The following ZNF99 variants were observed in gnomAD, a reference collection of about 807,000 sequenced individuals.
The protein encoded by ZNF99 is zinc finger protein ENSP00000375192.
A neutral mutation model predicts 12.8 loss-of-function variants in ZNF99; 8 were observed. That is an observed-to-expected ratio of 0.62 (90% confidence interval 0.37 to 1.13). ZNF99 has a LOEUF of 1.13. Ranked by LOEUF, ZNF99 falls within the 50% of genes most tolerant of loss-of-function variation. The pLI is 0.02. For synonymous variants in ZNF99, 318 were observed against 319.0 expected (o/e 1.00, Z 0.03); for missense variants, 1,007 against 1,006.2 (o/e 1.00, Z -0.01).
intron 1 of ZNF99, chr19:22,770,469 G>A (rs1397868537): frequency 2.0e-5 from 3 of 152,202 alleles, no homozygotes; most frequent in Non-Finnish European, 4.4e-5. Flanking sequence ...CGATTCTCCT[G>A]CCTCAGCCTC....
At position 22,752,683 on chromosome 19, in the gene ZNF99, C is replaced by T. The variant is rs1420198187; in HGVS notation, c.*4631G>A. The T allele has an allele frequency of 6.6e-6, 1 of 152,004 alleles. No homozygotes were observed. Among genetic ancestry groups the T allele is most frequent in the Admixed American group, 6.6e-5 (1 of 15,248 alleles). 9.4% of individuals were successfully genotyped at this position (152,004 alleles called of 1,614,324 possible). On this transcript the variant is annotated 3_prime_UTR_variant, in exon 4 of 4. Coordinates refer to ENST00000596209, the MANE Select transcript of ZNF99 (RefSeq NM_001080409.3). ...TAGGTTAAAGCGAGTGGCATAATAA[C>T]ACTTCATTGAATGTACAACAGACTT...
At chr19:22,769,984 T>C (rs759393333) in intron 1 of ZNF99, 3 of 1,360,478 alleles carry the variant, frequency 2.2e-6, no homozygotes, top group Non-Finnish European at 2.9e-6. Flanking sequence ...AAAAGACATG[T>C]TGAGTTAGAA....
chr19:22,775,332 G>C (rs984393477), intron 1 of ZNF99, among the ~76,000 whole-genome samples: 1 of 152,138 alleles, frequency 6.6e-6, no homozygotes, highest in African/African-American at 2.4e-5. Flanking sequence ...TTAATAAATG[G>C]TACTGGGAAA....
At chr19:22,780,329 C>A (rs1599450889) in intron 1 of ZNF99, among the ~76,000 whole-genome samples, 2 of 152,280 alleles carry the variant, frequency 1.3e-5, no homozygotes, top group East Asian at 1.9e-4. Context: ...CACTTTATAT[C>A]TCAATAAGAG....
At chr19:22,778,017 G>C (rs2145159224) in intron 1 of ZNF99, among the ~76,000 whole-genome samples, 1 of 114,754 alleles carries the variant, frequency 8.7e-6, no homozygotes, top group Middle Eastern at 6.2e-3. Flanking sequence ...CTGTCGTGGG[G>C]TGGGGGGAGG....
chr19:22,756,230 A>C lies in ZNF99; in HGVS notation c.*1084T>G, dbSNP rs770441426. 1.1e-5 allele frequency: 17 copies of C among 1,562,674 alleles called. No individual in the cohort carries two copies. The highest frequency in any genetic ancestry group is 1.4e-5 in the Non-Finnish European group (16 of 1,154,354). On this transcript the variant is annotated 3_prime_UTR_variant, in exon 4 of 4. Coordinates refer to ENST00000596209, the MANE Select transcript of ZNF99 (RefSeq NM_001080409.3). Reference sequence around the variant, plus strand: ...TTAGGGCTTCTCCCCAGTATGAATTATCTTATGTTTAGTAAGGGCTGAAAG... The same window carrying C: ...TTAGGGCTTCTCCCCAGTATGAATTCTCTTATGTTTAGTAAGGGCTGAAAG...
In ZNF99 at chr19:22,759,018, G is replaced by A. The variant is rs768966244; in HGVS notation, c.891C>T (p.Ser297=). The A allele has an allele frequency of 1.9e-6, 3 of 1,613,580 alleles. No homozygotes were observed. The highest frequency in any genetic ancestry group is 1.3e-5 in the African/African-American group (1 of 74,902). ...CEECGKAFKQ[S]SHLTRHKAIH... ...TTGCTTTATGTCTAGTAAGGTGTGA[G>A]GATTGCTTAAAAGCTTTGCCACATT... Residue 297 remains serine (S), a synonymous_variant, in exon 4 of 4, where the codon TCC becomes TCT. Transcript: ENST00000596209.
chr19:22,760,605 G>T (rs560830237), intron 3 of ZNF99, among the ~76,000 whole-genome samples: 1 of 152,192 alleles, frequency 6.6e-6, no homozygotes, highest in East Asian at 1.9e-4. Flanking sequence ...TTCGCCAGGT[G>T]TGGTGGCGGG....
At chr19:22,769,571 T>C (rs1314933136) in intron 1 of ZNF99, among the ~76,000 whole-genome samples, 1 of 151,834 alleles carries the variant, frequency 6.6e-6, no homozygotes, top group East Asian at 1.9e-4. Flanking sequence ...ATTGAGACCA[T>C]CCTGGCTAAC....
At chr19:22,768,452 T>A in intron 2 of ZNF99, 52 bp from the exon 3 acceptor site, 2 of 1,468,562 alleles carry the variant, frequency 1.4e-6, no homozygotes, top group South Asian at 2.5e-5. Flanking sequence ...CCCCAAATAA[T>A]GTGCTCATTA....
At chr19:22,776,703 G>A (rs1374709535) in intron 1 of ZNF99, among the ~76,000 whole-genome samples, 746 of 140,458 alleles carry the variant, frequency 5.3e-3, no homozygotes, top group Middle Eastern at 7.2e-3. Context: ...CATTTGACCC[G>A]GCAACCTCAT....
In ZNF99 at chr19:22,756,185, T is replaced by C. The variant is rs561171930; in HGVS notation, c.*1129A>G. 1.3e-6 allele frequency: 2 copies of C among 1,555,454 alleles called. No homozygotes were observed. The highest frequency in any genetic ancestry group is 4.7e-5 in the East Asian group (2 of 42,560). On this transcript the variant is annotated 3_prime_UTR_variant, in exon 4 of 4. Coordinates refer to ENST00000596209, the MANE Select transcript of ZNF99 (RefSeq NM_001080409.3). The stretch of plus-strand genomic sequence containing the variant: ...AAGGTTTGTAAAATGGTTGAAAGCT[T>C]TGACACATTCTTCACATTTTTAGGG...
Position 22,754,865 on chromosome 19 carries a change from T to C in ZNF99, c.*2449A>G, listed in dbSNP as rs190007442. 2 of 182,048 alleles carry C rather than the reference T, an allele frequency of 1.1e-5. No individual in the cohort carries two copies. Among genetic ancestry groups the C allele is most frequent in the Admixed American group, 5.8e-5 (1 of 17,324 alleles). 11.3% of individuals were successfully genotyped at this position (182,048 alleles called of 1,614,324 possible). ...CGGGCAGATCACCAGAGGTCGGGAG[T>C]TCGAGACCAGCTTGACCAACATGGA... is the stretch of plus-strand genomic sequence containing the variant. On this transcript the variant is annotated 3_prime_UTR_variant, in exon 4 of 4. Transcript: ENST00000596209.
chr19:22,756,704 T>C lies in ZNF99; in HGVS notation c.*610A>G, dbSNP rs761563587. ...AAACCTTTGCCACATTCTTCACATT[T>C]GTACGGTTTCTCCCCAGTATGAATT... On this transcript the variant is annotated 3_prime_UTR_variant, in exon 4 of 4. Coordinates refer to ENST00000596209, the MANE Select transcript of ZNF99 (RefSeq NM_001080409.3). 1 of 1,477,354 alleles carries C rather than the reference T, an allele frequency of 6.8e-7. No homozygotes were observed. The highest frequency in any genetic ancestry group is 1.2e-5 in the South Asian group (1 of 80,420). The allele number at this position is 1,477,354 out of a possible 1,614,324, so 91.5% of individuals were successfully genotyped here.
chr19:22,775,900 T>G (rs886795695), intron 1 of ZNF99, among the ~76,000 whole-genome samples: 1 of 152,000 alleles, frequency 6.6e-6, no homozygotes, highest in Non-Finnish European at 1.5e-5. Flanking sequence ...TAGGCACCTG[T>G]AATCTCAGCT....
chr19:22,776,450 T>C (rs866746850), intron 1 of ZNF99, among the ~76,000 whole-genome samples: 1 of 49,868 alleles, frequency 2.0e-5, no homozygotes, highest in Non-Finnish European at 4.0e-5. Flanking sequence ...TATATATATA[T>C]ATATATATAT....
Position 22,758,312 on chromosome 19 carries a change from C to T in ZNF99, c.1597G>A (p.Gly533Arg), listed in dbSNP as rs1209396424. ...TCTTCACATTTGTAGGGTTTCTTTC[C>T]AGTATGAATTATCTTATGTTTTCTA... ...ALRKHKIIHT[G>R]KKPYKCEECG... Residue 533 changes from glycine to arginine, a missense_variant, in exon 4 of 4, where the codon GGA (glycine) becomes AGA (arginine). Transcript: ENST00000596209. 1.9e-6 allele frequency: 3 copies of T among 1,612,866 alleles called. No individual in the cohort carries two copies. Among genetic ancestry groups the T allele is most frequent in the South Asian group, 2.2e-5 (2 of 91,000 alleles).
At chr19:22,760,936 T>C (rs1406137546) in intron 3 of ZNF99, among the ~76,000 whole-genome samples, 3 of 150,972 alleles carry the variant, frequency 2.0e-5, no homozygotes, top group Admixed American at 6.6e-5. Flanking sequence ...TAAGAACATG[T>C]TTGACATACT....
chr19:22,768,858 C>T (rs564444770), intron 2 of ZNF99, among the ~76,000 whole-genome samples: 2 of 151,914 alleles, frequency 1.3e-5, no homozygotes, highest in Admixed American at 6.6e-5. Flanking sequence ...GGAGAAACCC[C>T]GTCTCTGCTA....
Sources: gnomAD v4.1 joint callset for allele counts (sites outside exome capture counted in the v4.1 genomes callset) on GRCh38, gnomAD v4.1.1 for gene constraint, MANE v1.5 for transcripts, NCBI Gene and HGNC (gene_info 2026-07-23, HGNC 2026-07-21) for gene names.